Variants in NDUFAF6 observed in about 807,000 individuals in gnomAD.
NDUFAF6 encodes NADH:ubiquinone oxidoreductase complex assembly factor 6, also known as NADH dehydrogenase (ubiquinone) complex I, assembly factor 6.
A neutral mutation model predicts 40.8 loss-of-function variants in NDUFAF6; 45 were observed. The observed-to-expected ratio is 1.10, with a 90% CI of 0.87 to 1.42. The LOEUF (loss-of-function observed/expected upper bound fraction) is 1.42, where lower values mean the gene tolerates loss of function less well. Ranked by LOEUF, NDUFAF6 falls within the 40% of genes most tolerant of loss-of-function variation. NDUFAF6 has a pLI of 0.00. For missense variants in NDUFAF6, 435 were observed against 418.5 expected (o/e 1.04, Z -0.34); for synonymous variants, 185 against 155.9 (o/e 1.19, Z -1.39).
At chr8:94,962,337 G>T (rs1165955079) in intron 1 of NDUFAF6, among the ~76,000 whole-genome samples, 1 of 152,234 alleles carries the variant, frequency 6.6e-6, no homozygotes, top group Non-Finnish European at 1.5e-5. Flanking sequence ...CTATAGCCAA[G>T]GCTGGAATGC....
intron 2 of NDUFAF6, among the ~76,000 whole-genome samples, chr8:94,998,781 G>A (rs1201558551): frequency 6.6e-6 from 1 of 152,164 alleles, no homozygotes; most frequent in Non-Finnish European, 1.5e-5. Context: ...GCATCTTGAA[G>A]GGTAAACCAA....
chr8:95,112,481 G>C (rs980055675), intron 4 of NDUFAF6, among the ~76,000 whole-genome samples: 41 of 152,166 alleles, frequency 2.7e-4, no homozygotes, highest in African/African-American at 8.9e-4. Flanking sequence ...GGCAAGGAAG[G>C]ATTCTCTCCT....
At chr8:95,065,938 C>A (rs1832692825) in intron 9 of NDUFAF6, among the ~76,000 whole-genome samples, 1 of 152,126 alleles carries the variant, frequency 6.6e-6, no homozygotes, top group Non-Finnish European at 1.5e-5. Context: ...CCCACGATTT[C>A]TTTTAGTACT....
intron 1 of NDUFAF6, chr8:94,940,846 AATCCATTC>A: frequency 6.2e-7 from 1 of 1,613,152 alleles, no homozygotes; most frequent in Non-Finnish European, 8.5e-7. Context: ...AGTCAACAAG[AATCCATTC>A]ATCATCTTCT....
chr8:95,036,863 C>T lies in NDUFAF6; in HGVS notation c.420+1287C>T, dbSNP rs376044492. Among the ~76,000 whole-genome samples the T allele has an allele frequency of 1.1e-4, 16 of 152,310 alleles. No individual in the cohort carries two copies. In the East Asian group the frequency reaches 1.2e-3, roughly 11 times the overall value. On this transcript the variant is annotated intron_variant, in intron 3 of 8. Transcript: ENST00000396124. ...TGGTTAATGTTGGCTGGCTTTCTGA[C>T]GTGACCGGTGTTGAAGCTGAACGTG...
At chr8:94,984,286 T>TA (rs1586899017) in intron 2 of NDUFAF6, 1 of 152,162 alleles carries the variant, frequency 6.6e-6, no homozygotes, top group East Asian at 1.9e-4. Flanking sequence ...GACCAGTGCT[T>TA]AACAGTTAAA....
intron 1 of NDUFAF6, among the ~76,000 whole-genome samples, chr8:95,027,294 G>A (rs1828271140): frequency 6.6e-6 from 1 of 151,934 alleles, no homozygotes; most frequent in Admixed American, 6.6e-5. Context: ...AAGATTCCAT[G>A]TTGGCTGGGC....
At chr8:94,898,493 T>C (rs1817803812) in intron 1 of NDUFAF6, among the ~76,000 whole-genome samples, 1 of 152,196 alleles carries the variant, frequency 6.6e-6, no homozygotes, top group Admixed American at 6.5e-5. Flanking sequence ...AGGAAGATCA[T>C]AGAGATAAAG....
chr8:94,922,001 TTTG>T (rs1485902549), intron 1 of NDUFAF6, among the ~76,000 whole-genome samples: 3 of 151,630 alleles, frequency 2.0e-5, no homozygotes, highest in African/African-American at 4.9e-5. Context: ...TCCGTGTTTT[TTTG>T]TTTTTTTCTT....
intron 4 of NDUFAF6, among the ~76,000 whole-genome samples, chr8:95,113,908 A>G (rs1239933208): frequency 6.6e-6 from 1 of 151,670 alleles, no homozygotes; most frequent in Non-Finnish European, 1.5e-5. Flanking sequence ...TCGCAAGAAC[A>G]AAAAACCAAA....
At chr8:94,997,343 C>G (rs10089798) in intron 2 of NDUFAF6, among the ~76,000 whole-genome samples, 38,889 of 89,502 alleles carry the variant, frequency 0.43, 9,059 homozygotes, top group African/African-American at 0.6. Context: ...CACACACACA[C>G]AGAGAGAGAG....
At chr8:94,991,770 G>A (rs992246741) in intron 2 of NDUFAF6, among the ~76,000 whole-genome samples, 3 of 145,354 alleles carry the variant, frequency 2.1e-5, no homozygotes, top group Middle Eastern at 3.6e-3. Flanking sequence ...TTCCATATCA[G>A]TACAAGGAGA....
chr8:94,940,209 C>G (rs764377273), intron 1 of NDUFAF6: 4 of 1,609,958 alleles, frequency 2.5e-6, no homozygotes, highest in African/African-American at 2.7e-5. Flanking sequence ...GCTGAGAAAC[C>G]AGTGCAAGTA....
intron 1 of NDUFAF6, among the ~76,000 whole-genome samples, chr8:94,935,446 A>C (rs1160338342): frequency 6.6e-6 from 1 of 152,244 alleles, no homozygotes; most frequent in African/African-American, 2.4e-5. Context: ...GACAAAGGTC[A>C]TATGATGTCT....
At position 94,940,688 on chromosome 8, in the gene NDUFAF6, C is replaced by G. The variant is rs567547271; in HGVS notation, c.-935-4795C>G. On this transcript the variant is annotated intron_variant, in intron 1 of 14. Transcript: ENST00000396113. ...TGACATTATCTAGCACAGATGGTTT[C>G]CTGCAATTTTTTAAAGACAAACTCC... The G allele has an allele frequency of 1.6e-4, 99 of 630,310 alleles. No homozygotes were observed. The Middle Eastern group carries it at 4.7e-3, about 30-fold the overall frequency. 39.0% of individuals were successfully genotyped at this position (630,310 alleles called of 1,614,324 possible). A position where few individuals can be genotyped will look rare whatever the true frequency, so the allele number is the denominator to read the frequency against.
intron 1 of NDUFAF6, among the ~76,000 whole-genome samples, chr8:94,958,798 A>G (rs1365721627): frequency 6.6e-6 from 1 of 152,184 alleles, no homozygotes; most frequent in Admixed American, 6.5e-5. Flanking sequence ...GGCGTGAGCC[A>G]CTGCGCCCAG....
chr8:94,997,341 C>CAGAGAGAG (rs1469014187), intron 2 of NDUFAF6, among the ~76,000 whole-genome samples: 59 of 91,864 alleles, frequency 6.4e-4, no homozygotes, highest in African/African-American at 2.3e-3. Context: ...CACACACACA[C>CAGAGAGAG]ACAGAGAGAG....
At chr8:95,097,684 A>G (rs1563867251), upstream of NDUFAF6, among the ~76,000 whole-genome samples, 1 of 152,224 alleles carries the variant, frequency 6.6e-6, no homozygotes, top group African/African-American at 2.4e-5. Flanking sequence ...GGGCAACAAG[A>G]GTGAAACTCC....
intron 2 of NDUFAF6, among the ~76,000 whole-genome samples, chr8:95,092,298 C>T (rs1402276658): frequency 1.3e-5 from 2 of 151,846 alleles, no homozygotes; most frequent in Admixed American, 6.6e-5. Context: ...TCTCCCACCT[C>T]AGCCTCCCAA....
Sources: allele counts gnomAD v4.1 joint callset (sites outside exome capture counted in the v4.1 genomes callset), GRCh38; gene constraint gnomAD v4.1.1; transcripts MANE v1.5; gene names NCBI Gene and HGNC (gene_info 2026-07-23, HGNC 2026-07-21).